Variants in MGAT4C observed in about 807,000 individuals in gnomAD.
The protein encoded by MGAT4C is alpha-1,3-mannosyl-glycoprotein 4-beta-N-acetylglucosaminyltransferase C.
A neutral mutation model predicts 40.1 loss-of-function variants in MGAT4C; 19 were observed. The ratio of observed to expected loss-of-function variants is 0.47; its 90% CI spans 0.33 to 0.70. The LOEUF (loss-of-function observed/expected upper bound fraction) is 0.70, where lower values mean the gene tolerates loss of function less well. Among genes scored for constraint, MGAT4C ranks in the 30% least tolerant of loss-of-function variants. MGAT4C has a pLI of 0.02. For synonymous variants in MGAT4C, 181 were observed against 187.1 expected (o/e 0.97, Z 0.27); for missense variants, 491 against 563.2 (o/e 0.87, Z 1.30).
At chr12:86,307,734 G>T (rs900039329) in intron 4 of MGAT4C, among the ~76,000 whole-genome samples, 3 of 150,034 alleles carry the variant, frequency 2.0e-5, no homozygotes, top group Non-Finnish European at 4.4e-5. Flanking sequence ...ACGTTGTCTA[G>T]CTCTGTCGCC....
intron 2 of MGAT4C, among the ~76,000 whole-genome samples, chr12:86,556,257 A>G (rs1959605503): frequency 6.6e-6 from 1 of 152,194 alleles, no homozygotes; most frequent in Non-Finnish European, 1.5e-5. Context: ...GAAGGAAGGA[A>G]GGTATGATAT....
At chr12:86,678,213 C>G (rs1949903029) in intron 2 of MGAT4C, among the ~76,000 whole-genome samples, 1 of 152,048 alleles carries the variant, frequency 6.6e-6, no homozygotes, top group South Asian at 2.1e-4. Context: ...AGCTGTTCCT[C>G]CATTTAGTTT....
intron 3 of MGAT4C, among the ~76,000 whole-genome samples, chr12:86,405,787 AC>A (rs1366404044): frequency 1.3e-5 from 2 of 151,012 alleles, no homozygotes; most frequent in Non-Finnish European, 3.0e-5. Context: ...CAGAATAGAG[AC>A]CCCAGAAATT....
intron 1 of MGAT4C, among the ~76,000 whole-genome samples, chr12:86,088,221 C>G (rs1266664111): frequency 6.6e-6 from 1 of 151,954 alleles, no homozygotes; most frequent in African/African-American, 2.4e-5. Context: ...CAGAAATCAA[C>G]TCAAGATGAA....
intron 2 of MGAT4C, among the ~76,000 whole-genome samples, chr12:86,669,558 A>G (rs575216564): frequency 4.7e-4 from 71 of 152,184 alleles, no homozygotes; most frequent in Admixed American, 1.4e-3. Flanking sequence ...AGTTTTCCCA[A>G]CTCCATGACT....
chr12:86,586,902 T>G (rs950274603), intron 2 of MGAT4C, among the ~76,000 whole-genome samples: 102 of 152,284 alleles, frequency 6.7e-4, no homozygotes, highest in African/African-American at 2.3e-3. Context: ...TTTTGTGGGT[T>G]GCCTGTTCAC....
At chr12:86,333,565 A>G (rs944764723) in intron 4 of MGAT4C, among the ~76,000 whole-genome samples, 1 of 152,214 alleles carries the variant, frequency 6.6e-6, no homozygotes, top group South Asian at 2.1e-4. Context: ...TAGCCAAAAG[A>G]CAGACTGATG....
intron 4 of MGAT4C, among the ~76,000 whole-genome samples, chr12:86,329,441 A>T (rs2897278): frequency 6.6e-6 from 1 of 151,924 alleles, no homozygotes; most frequent in Non-Finnish European, 1.5e-5. Flanking sequence ...ACTTTTATCC[A>T]TAGCAGCTGT....
intron 2 of MGAT4C, among the ~76,000 whole-genome samples, chr12:86,035,770 A>G (rs12320813): frequency 0.4 from 60,105 of 148,998 alleles, 15,086 homozygotes; most frequent in African/African-American, 0.53. Context: ...GTAAGGAGGG[A>G]ACCCCATTTC....
intron 2 of MGAT4C, among the ~76,000 whole-genome samples, chr12:86,686,814 T>C (rs1366503828): frequency 1.3e-5 from 2 of 152,350 alleles, no homozygotes; most frequent in East Asian, 3.9e-4. Flanking sequence ...GTTATGTCTC[T>C]GCCAGGTTTT....
At chr12:86,686,836 G>C (rs1950080825) in intron 2 of MGAT4C, among the ~76,000 whole-genome samples, 1 of 152,200 alleles carries the variant, frequency 6.6e-6, no homozygotes, top group African/African-American at 2.4e-5. Flanking sequence ...GCATCATGAT[G>C]ATACTGTCCT....
At chr12:86,387,330 CCT>C (rs1441162396) in intron 3 of MGAT4C, among the ~76,000 whole-genome samples, 4 of 151,980 alleles carry the variant, frequency 2.6e-5, no homozygotes, top group Non-Finnish European at 5.9e-5. Context: ...CAATATTCAT[CCT>C]CTGTTTTCTA....
intron 2 of MGAT4C, among the ~76,000 whole-genome samples, chr12:86,475,180 G>A (rs17014020): frequency 6.6e-6 from 1 of 151,780 alleles, no homozygotes; most frequent in East Asian, 1.9e-4. Flanking sequence ...TAAAACTTAG[G>A]TTCCTCAACT....
intron 2 of MGAT4C, among the ~76,000 whole-genome samples, chr12:86,723,962 A>T (rs545962453): frequency 1.3e-5 from 2 of 152,304 alleles, no homozygotes; most frequent in East Asian, 3.9e-4. Context: ...TGTATGTGTA[A>T]GTCTTGTTTA....
At chr12:86,624,903 T>C (rs763490333) in intron 2 of MGAT4C, among the ~76,000 whole-genome samples, 8 of 152,048 alleles carry the variant, frequency 5.3e-5, no homozygotes, top group Admixed American at 2.0e-4. Context: ...AATAAAAAAT[T>C]TTGGTTCCAT....
At chr12:86,261,445 A>G (rs1053849127) in intron 4 of MGAT4C, among the ~76,000 whole-genome samples, 5 of 152,080 alleles carry the variant, frequency 3.3e-5, no homozygotes, top group African/African-American at 9.7e-5. Flanking sequence ...AACATAAACG[A>G]AAGTTTACCT....
At chr12:86,742,535 GT>G (rs535550358) in intron 1 of MGAT4C, among the ~76,000 whole-genome samples, 140 of 151,560 alleles carry the variant, frequency 9.2e-4, no homozygotes, top group African/African-American at 3.4e-3. Flanking sequence ...CATTTTTGCT[GT>G]AGTCAGATTC....
At chr12:86,109,991 A>G (rs1364232075) in intron 1 of MGAT4C, among the ~76,000 whole-genome samples, 1 of 151,486 alleles carries the variant, frequency 6.6e-6, no homozygotes, top group Non-Finnish European at 1.5e-5. Context: ...ATGAAGAAGT[A>G]TGGAAAGTGT....
intron 2 of MGAT4C, among the ~76,000 whole-genome samples, chr12:86,646,558 T>C (rs1261119419): frequency 6.6e-6 from 1 of 151,924 alleles, no homozygotes; most frequent in African/African-American, 2.4e-5. Flanking sequence ...TATTTCAATG[T>C]ATTCTGTCTA....
Sources: allele counts gnomAD v4.1 joint callset (sites outside exome capture counted in the v4.1 genomes callset), GRCh38; gene constraint gnomAD v4.1.1; transcripts MANE v1.5; gene names NCBI Gene and HGNC (gene_info 2026-07-23, HGNC 2026-07-21).